Variants in VSIG8 observed in about 807,000 individuals in gnomAD.
VSIG8 encodes the protein V-set and immunoglobulin domain containing 8.
Under a neutral mutation model 42.6 loss-of-function variants are expected in VSIG8, and 32 were observed. The ratio of observed to expected loss-of-function variants is 0.75; its 90% CI spans 0.57 to 1.01. The LOEUF (loss-of-function observed/expected upper bound fraction) is 1.01, where lower values mean the gene tolerates loss of function less well. Ranked by LOEUF, VSIG8 falls within the 50% of genes least tolerant of loss-of-function variation. VSIG8 has a pLI of 0.00. For missense variants in VSIG8, 529 were observed against 558.0 expected (o/e 0.95, Z 0.52); for synonymous variants, 290 against 243.8 (o/e 1.19, Z -1.77).
intron 4 of VSIG8, 132 bp from the exon 5 acceptor site, chr1:159,856,775 A>ACC (rs999241727): frequency 6.9e-6 from 7 of 1,013,766 alleles, no homozygotes; most frequent in African/African-American, 6.5e-5. Context: ...CCACACCCAC[A>ACC]CACACACACA....
Position 159,855,910 on chromosome 1 carries a change from G to A in VSIG8, c.944C>T (p.Ala315Val), listed in dbSNP as rs201546208. ...GATCTCACTAGCCAAGTCGCCGCAG[G>A]CCCCTCCGCCGACCCCGCCGCCGTT... ...YGNGGGVGGG[A>V]CGDLASEIRE... is the part of the protein sequence containing the mutation. The change falls in exon 6 of 7, where the codon GCC becomes GTC. Residue 315 changes from alanine to valine, a missense_variant. Transcript: ENST00000368100. 3.2e-5 allele frequency: 50 copies of A among 1,552,434 alleles called. No homozygotes were observed. In the Admixed American group the frequency reaches 8.3e-4, roughly 26 times the overall value.
intron 4 of VSIG8, among the ~76,000 whole-genome samples, chr1:159,857,275 C>G (rs149278577): frequency 1.3e-5 from 2 of 152,282 alleles, no homozygotes; most frequent in Non-Finnish European, 2.9e-5. Context: ...ATCATCTGCT[C>G]TCAATAGCAG....
chr1:159,854,554 G>A lies in VSIG8; in HGVS notation c.*199C>T. Reference sequence around the variant, plus strand: ...AGAAGGCTCAGGATCGCCTTCCTCCGCCCTCGCCCGCCCCTTCCCACTTTT... The same window carrying A: ...AGAAGGCTCAGGATCGCCTTCCTCCACCCTCGCCCGCCCCTTCCCACTTTT... On this transcript the variant is annotated 3_prime_UTR_variant, in exon 7 of 7. Coordinates refer to ENST00000368100, the MANE Select transcript of VSIG8 (RefSeq NM_001013661.1). 2.8e-6 allele frequency: 3 copies of A among 1,071,376 alleles called. No homozygotes were observed. The highest frequency in any genetic ancestry group is 3.7e-6 in the Non-Finnish European group (3 of 814,908). The allele number at this position is 1,071,376 out of a possible 1,614,324, so 66.4% of individuals were successfully genotyped here. A position where few individuals can be genotyped will look rare whatever the true frequency, so the allele number is the denominator to read the frequency against.
chr1:159,854,549 C>T lies in VSIG8; in HGVS notation c.*204G>A. The T allele has an allele frequency of 9.6e-7, 1 of 1,041,492 alleles. No individual in the cohort carries two copies. The highest frequency in any genetic ancestry group is 1.3e-6 in the Non-Finnish European group (1 of 786,312). 64.5% of individuals were successfully genotyped at this position (1,041,492 alleles called of 1,614,324 possible). A position where few individuals can be genotyped will look rare whatever the true frequency, so the allele number is the denominator to read the frequency against. The stretch of plus-strand genomic sequence containing the variant: ...TGCGGAGAAGGCTCAGGATCGCCTT[C>T]CTCCGCCCTCGCCCGCCCCTTCCCA... On this transcript the variant is annotated 3_prime_UTR_variant, in exon 7 of 7. Transcript: ENST00000368100.
chr1:159,862,558 T>C lies in VSIG8; in HGVS notation c.-37A>G. The C allele has an allele frequency of 6.2e-7, 1 of 1,605,678 alleles. No homozygotes were observed. Among genetic ancestry groups the C allele is most frequent in the Non-Finnish European group, 8.5e-7 (1 of 1,174,806 alleles). Reference sequence around the variant, plus strand: ...CGGTGTTTCCTCCGTCTGGGCTGGGTATCCCGTGGGGTCGTAGTGGTGGGT... The same window carrying C: ...CGGTGTTTCCTCCGTCTGGGCTGGGCATCCCGTGGGGTCGTAGTGGTGGGT... On this transcript the variant is annotated 5_prime_UTR_variant, in exon 1 of 7. The change creates a new upstream start codon in the 5' untranslated region. Transcript: ENST00000368100.
chr1:159,856,734 A>T lies in VSIG8; in HGVS notation c.653-91T>A, dbSNP rs114373217. 4.1e-3 allele frequency: 6,377 copies of T among 1,544,966 alleles called. 220 individuals carry two copies. In the African/African-American group the frequency reaches 0.073, roughly 18 times the overall value. Reference sequence around the variant, plus strand: ...GTGGGGGATGGGACACCCACTCTAGAAGAAGGGAAGGCTTATGCATGTGTG... The same window carrying T: ...GTGGGGGATGGGACACCCACTCTAGTAGAAGGGAAGGCTTATGCATGTGTG... On this transcript the variant is annotated intron_variant, in intron 4 of 6. Transcript: ENST00000368100.
chr1:159,856,789 A>ACACC, intron 4 of VSIG8, 146 bp from the exon 5 acceptor site: 1 of 1,019,128 alleles, frequency 9.8e-7, no homozygotes, highest in East Asian at 2.7e-5. Context: ...ACACACACAC[A>ACACC]CTCCACTCTC....
At chr1:159,856,499 C>T in intron 5 of VSIG8, 25 bp downstream of exon 5, 2 of 1,612,364 alleles carry the variant, frequency 1.2e-6, no homozygotes, top group Non-Finnish European at 1.7e-6. Flanking sequence ...CCCAACCACC[C>T]AGCCCTCAAG....
Position 159,855,958 on chromosome 1 carries a change from G to A in VSIG8, c.896C>T (p.Ala299Val). The change falls in exon 6 of 7, where the codon GCC becomes GTC. Residue 299 changes from alanine (A) to valine (V), a missense_variant. Transcript: ENST00000368100. ...GTTGCCGTAGCCGAAGGCACCGCGGGCGCCGCCAGCCCCGGAGCCCCCGCA... is the reference window on the plus strand; with the variant it reads ...GTTGCCGTAGCCGAAGGCACCGCGGACGCCGCCAGCCCCGGAGCCCCCGCA... ...CCCGGSGAGGARGAFGYGNGG... is the reference protein window; with the variant it reads ...CCCGGSGAGGVRGAFGYGNGG... 6.3e-7 allele frequency: 1 copy of A among 1,583,148 alleles called. No homozygotes were observed. The highest frequency in any genetic ancestry group is 8.6e-7 in the Non-Finnish European group (1 of 1,165,344).
chr1:159,854,685 C>T lies in VSIG8; in HGVS notation c.*68G>A, dbSNP rs930269612. ...AGGTCGTCCCCAGCCCCGACGTGTC[C>T]CCAGCTGCAGACAGAGAGCCCCGCG... On this transcript the variant is annotated 3_prime_UTR_variant, in exon 7 of 7. Coordinates refer to ENST00000368100, the MANE Select transcript of VSIG8 (RefSeq NM_001013661.1). 1 of 1,391,410 alleles carries T rather than the reference C, an allele frequency of 7.2e-7. No homozygotes were observed. Among genetic ancestry groups the T allele is most frequent in the Middle Eastern group, 2.6e-4 (1 of 3,844 alleles). The allele number at this position is 1,391,410 out of a possible 1,614,324, so 86.2% of individuals were successfully genotyped here. A position where few individuals can be genotyped will look rare whatever the true frequency, so the allele number is the denominator to read the frequency against.
chr1:159,857,739 T>C lies in VSIG8; in HGVS notation c.652+6A>G. 1 of 1,613,520 alleles carries C rather than the reference T, an allele frequency of 6.2e-7. No individual in the cohort carries two copies. The highest frequency in any genetic ancestry group is 2.2e-5 in the East Asian group (1 of 44,868). The stretch of plus-strand genomic sequence containing the variant: ...CCCCGACTGCCCTCATCCAGGGCCC[T>C]CTCACCTTGGTTTATGGAGCTGTGG... On this transcript the variant is annotated splice_donor_region_variant and intron_variant, in intron 4 of 6. Coordinates refer to ENST00000368100, the MANE Select transcript of VSIG8 (RefSeq NM_001013661.1).
rs770730367 is a variant in VSIG8 at position 159,862,447 on chromosome 1, ACCCTGCC to A, written c.49+19_49+25del. 29 of 1,603,160 alleles carry A rather than the reference ACCCTGCC, an allele frequency of 1.8e-5. No homozygotes were observed. The Admixed American group carries it at 4.2e-4, about 23-fold the overall frequency. Reference sequence around the variant, plus strand: ...CTTCCCACCTAGCCTCATGCTGGCTACCCTGCCCCCTGCCCAGCCCCGTACCTGGGCT... The same window carrying A: ...CTTCCCACCTAGCCTCATGCTGGCTACCCTGCCCAGCCCCGTACCTGGGCT... On this transcript the variant is annotated intron_variant, in intron 1 of 6. Coordinates refer to ENST00000368100, the MANE Select transcript of VSIG8 (RefSeq NM_001013661.1).
At chr1:159,857,334 G>A (rs181220023) in intron 4 of VSIG8, among the ~76,000 whole-genome samples, 1 of 152,280 alleles carries the variant, frequency 6.6e-6, no homozygotes, top group Non-Finnish European at 1.5e-5. Context: ...AGCGCTTTGG[G>A]AGGCCAAGGC....
In VSIG8 at chr1:159,857,974, G is replaced by A; in HGVS notation, c.431-8C>T. On this transcript the variant is annotated splice_polypyrimidine_tract_variant and splice_region_variant and intron_variant, in intron 3 of 6. Transcript: ENST00000368100. ...TGGGCACTGCAGGTCGTGCTGCAAG[G>A]AGGCAGACAATTGTAAGCCAGGGCC... 1 of 1,613,242 alleles carries A rather than the reference G, an allele frequency of 6.2e-7. No homozygotes were observed. Among genetic ancestry groups the A allele is most frequent in the African/African-American group, 1.3e-5 (1 of 75,050 alleles).
chr1:159,859,916 C>T (rs1403932370), intron 1 of VSIG8, among the ~76,000 whole-genome samples: 1 of 152,016 alleles, frequency 6.6e-6, no homozygotes, highest in East Asian at 1.9e-4. Flanking sequence ...TCCCTCCCTA[C>T]CCTGAAGCCC....
At chr1:159,855,856 C>A in intron 6 of VSIG8, 27 bp downstream of exon 6, 1 of 1,532,974 alleles carries the variant, frequency 6.5e-7, no homozygotes, top group Admixed American at 2.1e-5. Context: ...TGCCGCACAG[C>A]AGCATGCAGC....
chr1:159,859,006 C>T (rs546645115), intron 1 of VSIG8, 94 bp from the exon 2 acceptor site: 24 of 1,373,316 alleles, frequency 1.7e-5, no homozygotes, highest in East Asian at 1.7e-4. Context: ...TCTCTGTCCA[C>T]GGCACCCAGA....
intron 6 of VSIG8, 162 bp from the exon 7 acceptor site, chr1:159,855,188 C>T: frequency 6.4e-7 from 1 of 1,551,708 alleles, no homozygotes; most frequent in Non-Finnish European, 8.7e-7. Context: ...TCCTTTGTGA[C>T]CCTTCCTGGG....
Position 159,858,793 on chromosome 1 carries a change from C to T in VSIG8, c.169G>A (p.Gly57Arg), listed in dbSNP as rs559791710. The T allele has an allele frequency of 6.2e-7, 1 of 1,614,054 alleles. No individual in the cohort carries two copies. The highest frequency in any genetic ancestry group is 1.3e-5 in the African/African-American group (1 of 74,982). Residue 57 changes from glycine to arginine, a missense_variant, in exon 2 of 7, where the codon GGG becomes AGG. Coordinates refer to ENST00000368100, the MANE Select transcript of VSIG8 (RefSeq NM_001013661.1). Reference sequence around the variant, plus strand: ...ACCTGCATCCACTCGATGTCCAGCCCATTGGGACCATAGTCCTCAGGGTCC... The same window carrying T: ...ACCTGCATCCACTCGATGTCCAGCCTATTGGGACCATAGTCCTCAGGGTCC... Reference protein sequence around the residue: ...VLDPEDYGPNGLDIEWMQVNS... With the variant: ...VLDPEDYGPNRLDIEWMQVNS...
Sources: allele counts gnomAD v4.1 joint callset (sites outside exome capture counted in the v4.1 genomes callset), GRCh38; gene constraint gnomAD v4.1.1; transcripts MANE v1.5; gene names NCBI Gene and HGNC (gene_info 2026-07-23, HGNC 2026-07-21).